Variants in ANO3 observed in about 807,000 individuals in gnomAD.
ANO3 encodes anoctamin 3.
In ANO3, 99 loss-of-function variants were observed where a neutral mutation model predicts 144.8. The observed-to-expected ratio is 0.68, with a 90% CI of 0.58 to 0.81. ANO3 has a LOEUF of 0.81. Ranked by LOEUF, ANO3 falls within the 30% of genes least tolerant of loss-of-function variation. The probability of loss-of-function intolerance (pLI) is 0.00; values close to 1 mark genes in which losing one functional copy is unlikely to be tolerated. For missense variants in ANO3, 905 were observed against 1,202.2 expected (o/e 0.75, Z 3.66); for synonymous variants, 414 against 392.6 (o/e 1.05, Z -0.64).
chr11:26,551,621 G>A (rs1410434286), intron 12 of ANO3, among the ~76,000 whole-genome samples: 1 of 151,896 alleles, frequency 6.6e-6, no homozygotes, highest in African/African-American at 2.4e-5. Context: ...GAAAGATTAT[G>A]TCATATAAAC....
At chr11:26,626,486 CCT>C (rs1227442228) in intron 18 of ANO3, among the ~76,000 whole-genome samples, 3 of 152,142 alleles carry the variant, frequency 2.0e-5, no homozygotes, top group African/African-American at 7.2e-5. Context: ...ACCTAGTACC[CCT>C]GTCATTCTGA....
chr11:26,339,444 C>T (rs1020670636), intron 1 of ANO3, among the ~76,000 whole-genome samples: 5 of 152,146 alleles, frequency 3.3e-5, no homozygotes, highest in African/African-American at 9.7e-5. Flanking sequence ...CGTGAACCAC[C>T]GCGCCTGGCC....
At chr11:26,444,515 C>T (rs1858636484) in intron 3 of ANO3, among the ~76,000 whole-genome samples, 1 of 152,176 alleles carries the variant, frequency 6.6e-6, no homozygotes, top group Non-Finnish European at 1.5e-5. Context: ...GTGGCCAGGC[C>T]TCAGTGCCTA....
At chr11:26,434,578 C>G (rs1858231019) in intron 1 of ANO3, among the ~76,000 whole-genome samples, 1 of 152,058 alleles carries the variant, frequency 6.6e-6, no homozygotes, top group Non-Finnish European at 1.5e-5. Flanking sequence ...TATAAATTTC[C>G]CTTCTAACAC....
At chr11:26,529,707 G>A (rs1849316802) in intron 7 of ANO3, among the ~76,000 whole-genome samples, 1 of 151,072 alleles carries the variant, frequency 6.6e-6, no homozygotes, top group African/African-American at 2.4e-5. Context: ...TGTAAATATT[G>A]CAAATGTGTT....
intron 14 of ANO3, among the ~76,000 whole-genome samples, chr11:26,581,307 C>CTTTTTTTTTT (rs5790592): frequency 7.1e-6 from 1 of 141,000 alleles, no homozygotes; most frequent in Non-Finnish European, 1.5e-5. Context: ...GTGCAATTCC[C>CTTTTTTTTTT]TTTTTTTTTT....
chr11:26,565,801 C>T, intron 14 of ANO3: 1 of 1,611,172 alleles, frequency 6.2e-7, no homozygotes, highest in Non-Finnish European at 8.5e-7. Flanking sequence ...CCATGGCTCC[C>T]CGATAGAAGT....
intron 1 of ANO3, among the ~76,000 whole-genome samples, chr11:26,197,782 T>C (rs1851618886): frequency 6.6e-6 from 1 of 152,210 alleles, no homozygotes; most frequent in Non-Finnish European, 1.5e-5. Flanking sequence ...CGCTTCTTTC[T>C]AATGAACACT....
At chr11:26,553,933 T>C (rs1850011222) in intron 13 of ANO3, among the ~76,000 whole-genome samples, 1 of 152,190 alleles carries the variant, frequency 6.6e-6, no homozygotes, top group Non-Finnish European at 1.5e-5. Flanking sequence ...TGTAAAACAG[T>C]TTTATAGAAG....
At chr11:26,438,610 A>AAAAAAAAAAAAAAAAAAAAG (rs1565024969) in intron 1 of ANO3, among the ~76,000 whole-genome samples, 6 of 73,848 alleles carry the variant, frequency 8.1e-5, no homozygotes, top group Non-Finnish European at 1.3e-4. Flanking sequence ...AAAAAAAAAG[A>AAAAAAAAAAAAAAAAAAAAG]AAAAAAAAAA....
At chr11:26,398,380 A>G (rs1477905628) in intron 1 of ANO3, among the ~76,000 whole-genome samples, 2 of 152,116 alleles carry the variant, frequency 1.3e-5, no homozygotes, top group Admixed American at 1.3e-4. Context: ...TTGGAAATGA[A>G]TGGAGAGAAT....
chr11:26,583,435 A>G (rs935257708), intron 14 of ANO3, among the ~76,000 whole-genome samples: 1 of 152,236 alleles, frequency 6.6e-6, no homozygotes, highest in Non-Finnish European at 1.5e-5. Flanking sequence ...ATTTAACAAG[A>G]CAAGCAGGTT....
At position 26,463,113 on chromosome 11, in the gene ANO3, A is replaced by G. The variant is rs1262515358; in HGVS notation, c.397A>G (p.Lys133Glu). Reference protein sequence around the residue: ...RSRLINDFVIKDKSEFKTKLS... With the variant: ...RSRLINDFVIEDKSEFKTKLS... ...TCGTCTCATTAATGACTTTGTTATC[A>G]AAGATAAATCTGAATTCAAGACAAA... The change falls in exon 4 of 27, where the codon AAA becomes GAA. Residue 133 changes from lysine to glutamate, a missense_variant. This residue lies in a region of ANO3 where 174 missense variants were observed against 171.9 expected (regional missense o/e 1.01). Coordinates refer to ENST00000256737, the MANE Select transcript of ANO3 (RefSeq NM_031418.4). 1.3e-6 allele frequency: 2 copies of G among 1,592,280 alleles called. No individual in the cohort carries two copies. The highest frequency in any genetic ancestry group is 2.3e-5 in the South Asian group (2 of 87,128).
intron 4 of ANO3, among the ~76,000 whole-genome samples, chr11:26,505,083 A>G (rs1861373443): frequency 6.6e-6 from 1 of 151,898 alleles, no homozygotes; most frequent in African/African-American, 2.4e-5. Context: ...GGCTACTGCA[A>G]TAATCCAATA....
intron 3 of ANO3, among the ~76,000 whole-genome samples, chr11:26,461,388 T>C (rs1859389748): frequency 6.6e-6 from 1 of 152,100 alleles, no homozygotes; most frequent in Non-Finnish European, 1.5e-5. Flanking sequence ...TCACTCTTTA[T>C]ATCTTTGTGC....
At chr11:26,396,928 G>A (rs993865529) in intron 1 of ANO3, among the ~76,000 whole-genome samples, 4 of 150,390 alleles carry the variant, frequency 2.7e-5, no homozygotes, top group Non-Finnish European at 5.9e-5. Flanking sequence ...TGTATCCCAG[G>A]ACTTAAGGTA....
chr11:26,270,615 G>C (rs1213756761), intron 1 of ANO3, among the ~76,000 whole-genome samples: 1 of 152,086 alleles, frequency 6.6e-6, no homozygotes, highest in Non-Finnish European at 1.5e-5. Flanking sequence ...CAGAAATTAG[G>C]TCTTTTAGAA....
intron 7 of ANO3, among the ~76,000 whole-genome samples, chr11:26,527,480 G>T (rs1048096805): frequency 1.3e-5 from 2 of 151,918 alleles, no homozygotes; most frequent in Non-Finnish European, 1.5e-5. Context: ...AAATAGAAAA[G>T]AAGTCTATAA....
At chr11:26,423,101 G>A (rs930375828) in intron 1 of ANO3, among the ~76,000 whole-genome samples, 15 of 151,798 alleles carry the variant, frequency 9.9e-5, no homozygotes, top group African/African-American at 2.4e-4. Context: ...CAGCCATAAC[G>A]TATGTATGGA....
Sources: allele counts gnomAD v4.1 joint callset (sites outside exome capture counted in the v4.1 genomes callset), GRCh38; gene constraint gnomAD v4.1.1; regional missense constraint gnomAD v4.1.1; transcripts MANE v1.5; gene names NCBI Gene and HGNC (gene_info 2026-07-23, HGNC 2026-07-21).